Variants in FILIP1 observed in about 807,000 individuals in gnomAD.
FILIP1 encodes the protein filamin-A-interacting protein 1.
FILIP1 carries 61 observed loss-of-function variants against 102.1 expected under a neutral mutation model. The ratio of observed to expected loss-of-function variants is 0.60; its 90% CI spans 0.49 to 0.74. The LOEUF (loss-of-function observed/expected upper bound fraction) is 0.74, where lower values mean the gene tolerates loss of function less well. Among genes scored for constraint, FILIP1 ranks in the 30% least tolerant of loss-of-function variants. FILIP1 has a pLI of 0.00. For missense variants in FILIP1, 1,314 were observed against 1,441.2 expected (o/e 0.91, Z 1.43); for synonymous variants, 491 against 526.9 (o/e 0.93, Z 0.93).
At position 75,312,407 on chromosome 6, in the gene FILIP1, G is replaced by A. The variant is rs777090787; in HGVS notation, c.3425C>T (p.Thr1142Ile). The A allele has an allele frequency of 6.2e-7, 1 of 1,613,390 alleles. No individual in the cohort carries two copies. The highest frequency in any genetic ancestry group is 8.5e-7 in the Non-Finnish European group (1 of 1,179,568). ...TPVTTSSARG[T>I]QSVSGQDGSS... ...GCCTCTTCTACTCACCACTGACTGG[G>A]TTCCTCGAGCAGATGACGTTGTGAC... Residue 1142 changes from threonine to isoleucine, a missense_variant, in exon 5 of 6, where the codon ACC becomes ATC. Transcript: ENST00000237172.
intron 3 of FILIP1, among the ~76,000 whole-genome samples, 167 bp downstream of exon 3, chr6:75,362,577 G>T (rs987228424): frequency 6.6e-6 from 1 of 152,202 alleles, no homozygotes; most frequent in South Asian, 2.1e-4. Context: ...TAACATTGAA[G>T]CTTATCCACT....
chr6:75,292,341 T>C (rs1163606203), exon 7 of FILIP1: 2 of 152,188 alleles, frequency 1.3e-5, no homozygotes, highest in Non-Finnish European at 2.9e-5. Flanking sequence ...AAATCTGTGA[T>C]GGTAAGGTAA....
intron 1 of FILIP1, among the ~76,000 whole-genome samples, chr6:75,467,128 GA>G (rs1779192256): frequency 6.6e-6 from 1 of 152,098 alleles, no homozygotes; most frequent in South Asian, 2.1e-4. Flanking sequence ...TGTAAAATAT[GA>G]AACCTTAAAA....
At chr6:75,457,743 T>G (rs1479001902) in intron 1 of FILIP1, among the ~76,000 whole-genome samples, 3 of 152,094 alleles carry the variant, frequency 2.0e-5, no homozygotes, top group African/African-American at 7.2e-5. Flanking sequence ...GACATCCCTA[T>G]CCTAACAATG....
intron 3 of FILIP1, chr6:75,361,933 G>A (rs1044817938): frequency 6.6e-6 from 1 of 152,248 alleles, no homozygotes; most frequent in African/African-American, 2.4e-5. Flanking sequence ...TGTGAATGCT[G>A]TCTACAGCAG....
intron 1 of FILIP1, among the ~76,000 whole-genome samples, chr6:75,461,097 T>C (rs373614867): frequency 1.8e-4 from 27 of 152,312 alleles, no homozygotes; most frequent in African/African-American, 6.3e-4. Context: ...CAAGTTCCTC[T>C]TACTCTCTGA....
At chr6:75,456,936 G>C (rs1259233863) in intron 1 of FILIP1, among the ~76,000 whole-genome samples, 1 of 152,164 alleles carries the variant, frequency 6.6e-6, no homozygotes, top group Non-Finnish European at 1.5e-5. Context: ...TGATATGGAA[G>C]TTTGTAAAAG....
chr6:75,444,798 G>A (rs1433028147), intron 1 of FILIP1, among the ~76,000 whole-genome samples: 1 of 152,124 alleles, frequency 6.6e-6, no homozygotes, highest in African/African-American at 2.4e-5. Flanking sequence ...CTGTGTATAT[G>A]TGTATTTGTA....
At chr6:75,470,941 G>T (rs1432202607) in intron 1 of FILIP1, among the ~76,000 whole-genome samples, 1 of 151,962 alleles carries the variant, frequency 6.6e-6, no homozygotes, top group Non-Finnish European at 1.5e-5. Flanking sequence ...CAGGCAGATT[G>T]CTTGAGCCCA....
chr6:75,358,779 G>A (rs1198337304), intron 3 of FILIP1, among the ~76,000 whole-genome samples: 1 of 151,962 alleles, frequency 6.6e-6, no homozygotes, highest in Non-Finnish European at 1.5e-5. Context: ...CTGGAGTGCA[G>A]TGGCACGATC....
chr6:75,418,488 T>G (rs1457158226), intron 1 of FILIP1, among the ~76,000 whole-genome samples: 1 of 152,228 alleles, frequency 6.6e-6, no homozygotes, highest in African/African-American at 2.4e-5. Context: ...AGACTCATTG[T>G]GTTAAAAGCC....
At chr6:75,490,882 T>C (rs1231423414) in intron 1 of FILIP1, among the ~76,000 whole-genome samples, 1 of 152,134 alleles carries the variant, frequency 6.6e-6, no homozygotes, top group Non-Finnish European at 1.5e-5. Context: ...ATTCTATACT[T>C]ATCCATACTT....
intron 2 of FILIP1, among the ~76,000 whole-genome samples, chr6:75,403,949 A>T (rs1398797173): frequency 3.3e-5 from 5 of 152,102 alleles, no homozygotes. Flanking sequence ...TCCACTCCAA[A>T]TCCTGCCATA....
chr6:75,447,429 G>A (rs6908400), intron 1 of FILIP1, among the ~76,000 whole-genome samples: 1 of 151,986 alleles, frequency 6.6e-6, no homozygotes, highest in Non-Finnish European at 1.5e-5. Context: ...ATGAGGTCAA[G>A]GTATCCTAAA....
At chr6:75,359,669 C>T (rs964483607) in intron 3 of FILIP1, among the ~76,000 whole-genome samples, 2 of 152,152 alleles carry the variant, frequency 1.3e-5, no homozygotes, top group Non-Finnish European at 2.9e-5. Flanking sequence ...GCTGAGCCTT[C>T]CTCTCTCACA....
chr6:75,447,020 TAG>T (rs1355522156), intron 1 of FILIP1, among the ~76,000 whole-genome samples: 1 of 152,134 alleles, frequency 6.6e-6, no homozygotes, highest in Non-Finnish European at 1.5e-5. Context: ...CACCAAACCT[TAG>T]GGAGGAGAAA....
intron 5 of FILIP1, 91 bp from the exon 6 acceptor site, chr6:75,308,988 C>T: frequency 7.4e-7 from 1 of 1,345,064 alleles, no homozygotes; most frequent in African/African-American, 1.4e-5. Context: ...GGACTCTTGC[C>T]ACACAGGAAC....
At chr6:75,477,261 C>A (rs1779501671) in intron 1 of FILIP1, among the ~76,000 whole-genome samples, 1 of 151,992 alleles carries the variant, frequency 6.6e-6, no homozygotes, top group South Asian at 2.1e-4. Context: ...ATGATGGTTA[C>A]CGGACGCTTG....
At position 75,322,853 on chromosome 6, in the gene FILIP1, C is replaced by G. The variant is rs932076909; in HGVS notation, c.630-7651G>C. On this transcript the variant is annotated intron_variant, in intron 4 of 5. Coordinates refer to ENST00000237172, the MANE Select transcript of FILIP1 (RefSeq NM_015687.5). ...GGACTACAGGCATGTGCTACCACAC[C>G]TGGCTAATTTTTGTATTTTCAGTAG... Among the ~76,000 whole-genome samples, 6 of 152,254 alleles carry G rather than the reference C, an allele frequency of 3.9e-5. No homozygotes were observed. The South Asian group carries it at 6.2e-4, about 16-fold the overall frequency.
Sources: gnomAD v4.1 joint callset for allele counts (sites outside exome capture counted in the v4.1 genomes callset) on GRCh38, gnomAD v4.1.1 for gene constraint, MANE v1.5 for transcripts, NCBI Gene and HGNC (gene_info 2026-07-23, HGNC 2026-07-21) for gene names.